Variants in NRXN1 observed in about 807,000 individuals in gnomAD.
The protein encoded by NRXN1 is neurexin-1.
In NRXN1, 39 loss-of-function variants were observed where a neutral mutation model predicts 150.9. The ratio of observed to expected loss-of-function variants is 0.26; its 90% CI spans 0.20 to 0.34. The LOEUF (loss-of-function observed/expected upper bound fraction) is 0.34, where lower values mean the gene tolerates loss of function less well. NRXN1 is among the 10% of genes least tolerant of loss of function. The probability of loss-of-function intolerance (pLI) is 1.00; values close to 1 mark genes in which losing one functional copy is unlikely to be tolerated. For missense variants in NRXN1, 1,815 were observed against 1,949.9 expected, an observed-to-expected ratio of 0.93 and a Z score of 1.30; for synonymous variants, 924 against 757.0, an observed-to-expected ratio of 1.22 and a Z score of -3.62.
chr2:51,027,771 T>G lies in NRXN1; in HGVS notation c.503A>C (p.Lys168Thr), dbSNP rs200625614. 1 of 1,612,558 alleles carries G rather than the reference T, an allele frequency of 6.2e-7. No homozygotes were observed. Among genetic ancestry groups the G allele is most frequent in the Non-Finnish European group, 8.5e-7 (1 of 1,179,368 alleles). ...CTCCCTCACCGAGGCCAGGGTGAGC[T>G]TGAGCGCCGCGGCGCGCAGTTCCGG... is the stretch of plus-strand genomic sequence containing the variant. ...LPPELRAAAL[K>T]LTLASVRERE... Residue 168 changes from lysine (K) to threonine (T), a missense_variant, in exon 2 of 23, where the codon AAG becomes ACG. By Grantham distance (78) the Lys-to-Thr change is moderately conservative (BLOSUM62 -1). Coordinates refer to ENST00000401669, the MANE Select transcript of NRXN1 (RefSeq NM_001330078.2).
At chr2:50,966,451 T>C (rs1286448158) in intron 2 of NRXN1, among the ~76,000 whole-genome samples, 1 of 151,728 alleles carries the variant, frequency 6.6e-6, no homozygotes, top group Non-Finnish European at 1.5e-5. Context: ...GGCCTTATTA[T>C]TTTTCCCCCT....
intron 2 of NRXN1, among the ~76,000 whole-genome samples, chr2:51,023,991 T>C (rs1215663980): frequency 1.3e-5 from 2 of 152,184 alleles, no homozygotes; most frequent in South Asian, 2.1e-4. Context: ...GATTTTAATA[T>C]ACATGACTCT....
chr2:50,387,879 A>G (rs1447914758), intron 17 of NRXN1, among the ~76,000 whole-genome samples: 1 of 152,216 alleles, frequency 6.6e-6, no homozygotes, highest in Non-Finnish European at 1.5e-5. Context: ...ATTTTACAAA[A>G]CACTCACTGT....
chr2:50,854,467 C>A (rs764854387), intron 5 of NRXN1, among the ~76,000 whole-genome samples: 1 of 152,088 alleles, frequency 6.6e-6, no homozygotes, highest in Non-Finnish European at 1.5e-5. Context: ...CAGTAAAGTA[C>A]ATTCCGTAGA....
rs192917554 is a variant in NRXN1 at position 50,158,039 on chromosome 2, C to T, written c.3547-66545G>A. 2.4e-3 allele frequency among the ~76,000 whole-genome samples: 352 copies of T among 146,164 alleles called. 2 individuals carry two copies. Among genetic ancestry groups the T allele is most frequent in the Non-Finnish European group, 3.0e-3 (203 of 66,662 alleles). The stretch of plus-strand genomic sequence containing the variant: ...GAAATGAAGCTGCTGGAGAAAGATC[C>T]TTCAGGAATATTTATAAGAAGTTGA... On this transcript the variant is annotated intron_variant, in intron 18 of 22. Transcript: ENST00000401669.
intron 5 of NRXN1, among the ~76,000 whole-genome samples, chr2:50,861,993 C>T (rs530901122): frequency 2.0e-5 from 3 of 151,598 alleles, no homozygotes; most frequent in African/African-American, 4.8e-5. Flanking sequence ...CCTGAGGTCA[C>T]GAGTTCAAGA....
At chr2:50,185,123 T>A (rs964047933) in intron 18 of NRXN1, among the ~76,000 whole-genome samples, 1 of 152,102 alleles carries the variant, frequency 6.6e-6, no homozygotes, top group Non-Finnish European at 1.5e-5. Flanking sequence ...AGAAACTGAA[T>A]GATCTCACCA....
At chr2:50,797,510 C>T (rs561803927) in intron 5 of NRXN1, among the ~76,000 whole-genome samples, 9 of 152,118 alleles carry the variant, frequency 5.9e-5, no homozygotes, top group Admixed American at 1.3e-4. Context: ...CAGCCCAAAA[C>T]GTAAATCATG....
At chr2:50,850,893 T>C (rs1674420772) in intron 5 of NRXN1, among the ~76,000 whole-genome samples, 1 of 152,174 alleles carries the variant, frequency 6.6e-6, no homozygotes, top group African/African-American at 2.4e-5. Context: ...ATAAGGCCCT[T>C]AGAATGTGAT....
chr2:50,149,248 T>C (rs1237160230), intron 18 of NRXN1, among the ~76,000 whole-genome samples: 1 of 151,714 alleles, frequency 6.6e-6, no homozygotes, highest in African/African-American at 2.4e-5. Context: ...GCTGCCTGCT[T>C]ATGAAAGGAA....
intron 5 of NRXN1, among the ~76,000 whole-genome samples, chr2:50,709,470 G>C (rs753658947): frequency 1.1e-4 from 17 of 152,112 alleles, no homozygotes; most frequent in Non-Finnish European, 1.6e-4. Context: ...GAAGTAGCTT[G>C]TGAAGTTTGA....
intron 2 of NRXN1, among the ~76,000 whole-genome samples, chr2:50,948,464 T>C (rs1462644578): frequency 1.3e-5 from 2 of 152,054 alleles, no homozygotes; most frequent in African/African-American, 2.4e-5. Flanking sequence ...GAAAGTACAA[T>C]TGAATGCTTT....
At chr2:50,159,980 T>A (rs1180410091) in intron 18 of NRXN1, among the ~76,000 whole-genome samples, 1 of 152,182 alleles carries the variant, frequency 6.6e-6, no homozygotes, top group Admixed American at 6.6e-5. Context: ...TTTACAAAGA[T>A]AAACAACATT....
chr2:50,562,198 T>C (rs1014759022), intron 8 of NRXN1, among the ~76,000 whole-genome samples: 1 of 152,164 alleles, frequency 6.6e-6, no homozygotes, highest in Admixed American at 6.6e-5. Context: ...ATAAGCTCAG[T>C]GAAGTTTCCT....
intron 5 of NRXN1, among the ~76,000 whole-genome samples, chr2:50,712,120 A>C (rs1695246419): frequency 6.6e-6 from 1 of 152,088 alleles, no homozygotes; most frequent in Admixed American, 6.6e-5. Context: ...AGTGCTATAT[A>C]TTATGTTAAA....
intron 17 of NRXN1, among the ~76,000 whole-genome samples, chr2:50,294,577 C>A (rs550129389): frequency 6.6e-6 from 1 of 152,046 alleles, no homozygotes; most frequent in Non-Finnish European, 1.5e-5. Flanking sequence ...CCTAAATCAG[C>A]GATACAACAA....
rs186059564 is a variant in NRXN1, at chr2:50,662,503, A to G, written c.833-38888T>C. Among the ~76,000 whole-genome samples the G allele has an allele frequency of 2.0e-3, 301 of 152,200 alleles. 4 individuals carry two copies. Among genetic ancestry groups the G allele is most frequent in the African/African-American group, 7.0e-3 (293 of 41,572 alleles). ...TAAGCTTCTCCAACCAGCAACCTGT[A>G]GGCCGCAGGAGGCCCAGGACAGCTT... On this transcript the variant is annotated intron_variant, in intron 5 of 22. Transcript: ENST00000401669.
At chr2:50,972,534 C>T (rs1408505003) in intron 2 of NRXN1, among the ~76,000 whole-genome samples, 1 of 152,074 alleles carries the variant, frequency 6.6e-6, no homozygotes, top group Non-Finnish European at 1.5e-5. Context: ...ATTTATTTTG[C>T]ACTTTATTTC....
intron 18 of NRXN1, among the ~76,000 whole-genome samples, chr2:50,191,481 A>C (rs1385876523): frequency 6.6e-6 from 1 of 152,146 alleles, no homozygotes; most frequent in Non-Finnish European, 1.5e-5. Context: ...TAGTTTTATC[A>C]TATGTGTAGA....
Sources: gnomAD v4.1 joint callset for allele counts (sites outside exome capture counted in the v4.1 genomes callset) on GRCh38, gnomAD v4.1.1 for gene constraint, MANE v1.5 for transcripts, NCBI Gene and HGNC (gene_info 2026-07-23, HGNC 2026-07-21) for gene names.